Variants in TPD52L2 observed in about 807,000 individuals in gnomAD.
TPD52L2 encodes TPD52 like 2.
Under a neutral mutation model 24.7 loss-of-function variants are expected in TPD52L2, and 19 were observed. The ratio of observed to expected loss-of-function variants is 0.77; its 90% confidence interval spans 0.54 to 1.13. The LOEUF is 1.13. TPD52L2 is among the 50% of genes most tolerant of loss of function. The probability of loss-of-function intolerance (pLI) is 0.00; values close to 1 mark genes in which losing one functional copy is unlikely to be tolerated. For synonymous variants in TPD52L2, 104 were observed against 100.2 expected, an observed-to-expected ratio of 1.04 and a Z score of -0.23; for missense variants, 236 against 250.4, an observed-to-expected ratio of 0.94 and a Z score of 0.39.
chr20:63,875,745 T>A, intron 3 of TPD52L2, 71 bp from the exon 4 acceptor site: 1 of 1,514,782 alleles, frequency 6.6e-7, no homozygotes, highest in Admixed American at 1.7e-5. Flanking sequence ...TCCCTGGAAC[T>A]TCACCTGCAG....
chr20:63,875,361 A>G (rs1398197710), intron 3 of TPD52L2, among the ~76,000 whole-genome samples: 1 of 151,938 alleles, frequency 6.6e-6, no homozygotes, highest in Non-Finnish European at 1.5e-5. Flanking sequence ...CATACCCTTC[A>G]AGGTTGGGGT....
intron 4 of TPD52L2, chr20:63,876,766 G>C: frequency 2.2e-6 from 1 of 456,010 alleles, no homozygotes; most frequent in South Asian, 1.5e-5. Flanking sequence ...GTGTCACGGT[G>C]GGAGGCTGGT....
chr20:63,874,234 G>T (rs1350843131), intron 3 of TPD52L2, among the ~76,000 whole-genome samples: 14 of 135,988 alleles, frequency 1.0e-4, no homozygotes, highest in African/African-American at 3.6e-4. Context: ...TTTTTTGTGT[G>T]TGTGTGTGTG....
chr20:63,872,071 T>C (rs1397254899), intron 2 of TPD52L2, among the ~76,000 whole-genome samples: 1 of 149,840 alleles, frequency 6.7e-6, no homozygotes, highest in African/African-American at 2.5e-5. Context: ...TTTAAAGACC[T>C]GAGAAAGTTC....
At chr20:63,869,236 A>G in intron 1 of TPD52L2, 60 bp from the exon 2 acceptor site, 3 of 1,601,820 alleles carry the variant, frequency 1.9e-6, no homozygotes, top group Admixed American at 1.7e-5. Flanking sequence ...AGAGACCTCT[A>G]CCGTATTTAC....
At chr20:63,876,384 CTGGGAGGCACTGCAT>C (rs1344098680) in intron 4 of TPD52L2, among the ~76,000 whole-genome samples, 1 of 152,166 alleles carries the variant, frequency 6.6e-6, no homozygotes, top group Non-Finnish European at 1.5e-5. Flanking sequence ...TCCTCACGAT[CTGGGAGGCACTGCAT>C]TGTCAGAGCA....
intron 4 of TPD52L2, among the ~76,000 whole-genome samples, chr20:63,881,082 C>T (rs976482797): frequency 6.6e-6 from 1 of 152,102 alleles, no homozygotes; most frequent in African/African-American, 2.4e-5. Context: ...TCCGAGCGGG[C>T]TGGGCGCAGT....
At chr20:63,884,221 A>G (rs953349704) in intron 5 of TPD52L2, among the ~76,000 whole-genome samples, 4 of 152,012 alleles carry the variant, frequency 2.6e-5, no homozygotes, top group Non-Finnish European at 5.9e-5. Context: ...GGGGCACCCT[A>G]CAAATGCAGG....
chr20:63,877,181 A>G lies in TPD52L2; in HGVS notation c.374+1306A>G, dbSNP rs1291605618. 1 of 345,046 alleles carries G rather than the reference A, an allele frequency of 2.9e-6. No individual in the cohort carries two copies. The highest frequency in any genetic ancestry group is 5.7e-6 in the Non-Finnish European group (1 of 176,074). The allele number at this position is 345,046 out of a possible 1,614,324, so 21.4% of individuals were successfully genotyped here. ...GCTGGGACTACAGGCGCCCGCCACC[A>G]CGCCCGGCTAATTTTTTCTATTTTT... On this transcript the variant is annotated intron_variant, in intron 4 of 6. Coordinates refer to ENST00000346249, the MANE Select transcript of TPD52L2 (RefSeq NM_003288.4). This position sits in a 1 kb window ranked among gnomAD's most constrained non-coding sequence, Gnocchi z 4.1.
At position 63,877,797 on chromosome 20, in the gene TPD52L2, C is replaced by G. The variant is rs1260372792; in HGVS notation, c.374+1922C>G. On this transcript the variant is annotated intron_variant, in intron 4 of 6. Coordinates refer to ENST00000346249, the MANE Select transcript of TPD52L2 (RefSeq NM_003288.4). The surrounding 1 kb of genome is among the most constrained non-coding windows in gnomAD (Gnocchi z 4.1). ...TGCATCACCTGGCCGAGGCCATTCC[C>G]CTGAGTTCTGTGGCGAGAGCTGTCA... is the stretch of plus-strand genomic sequence containing the variant. Among the ~76,000 whole-genome samples, 1 of 152,278 alleles carries G rather than the reference C, an allele frequency of 6.6e-6. No individual in the cohort carries two copies. Among genetic ancestry groups the G allele is most frequent in the Admixed American group, 6.5e-5 (1 of 15,288 alleles).
intron 5 of TPD52L2, chr20:63,885,955 T>G: frequency 1.9e-6 from 3 of 1,585,734 alleles, no homozygotes; most frequent in Non-Finnish European, 2.6e-6. Context: ...GGGCTGTGAG[T>G]GGGTGCTGGC....
intron 5 of TPD52L2, among the ~76,000 whole-genome samples, chr20:63,886,519 G>A (rs977855326): frequency 1.8e-4 from 28 of 151,988 alleles, no homozygotes; most frequent in East Asian, 5.8e-4. Flanking sequence ...CCGCCGCCAC[G>A]CCCGGCTAAT....
chr20:63,875,917 C>T lies in TPD52L2; in HGVS notation c.374+42C>T, dbSNP rs370167352. The T allele has an allele frequency of 1.9e-4, 297 of 1,594,724 alleles. No individual in the cohort carries two copies. In the African/African-American group the frequency reaches 2.5e-3, roughly 13 times the overall value. ...TCAGCACCTCCTCCTTCCTCCTCTC[C>T]GCCTCCTGACACTCAGTCGGGGAAG... On this transcript the variant is annotated intron_variant, in intron 4 of 6. Transcript: ENST00000346249.
chr20:63,881,220 G>A (rs2146222475), intron 4 of TPD52L2, among the ~76,000 whole-genome samples: 1 of 152,276 alleles, frequency 6.6e-6, no homozygotes, highest in East Asian at 1.9e-4. Flanking sequence ...ATTTAGCAGG[G>A]CGTGGTGGTG....
At chr20:63,870,804 G>A (rs1393932906) in intron 2 of TPD52L2, among the ~76,000 whole-genome samples, 3 of 148,218 alleles carry the variant, frequency 2.0e-5, no homozygotes, top group African/African-American at 5.0e-5. Flanking sequence ...TGCAATCTCC[G>A]CCTCCCAGGT....
Position 63,890,258 on chromosome 20 carries a change from A to G in TPD52L2, c.*313A>G, listed in dbSNP as rs1044068027. The G allele has an allele frequency of 9.6e-5, 50 of 523,380 alleles. No individual in the cohort carries two copies. Among genetic ancestry groups the G allele is most frequent in the African/African-American group, 9.5e-4 (49 of 51,846 alleles). 32.4% of individuals were successfully genotyped at this position (523,380 alleles called of 1,614,324 possible). A position where few individuals can be genotyped will look rare whatever the true frequency, so the allele number is the denominator to read the frequency against. On this transcript the variant is annotated 3_prime_UTR_variant, in exon 7 of 7. Coordinates refer to ENST00000346249, the MANE Select transcript of TPD52L2 (RefSeq NM_003288.4). ...GCCAAAGCCCAGGCTCCCTTTGGGA[A>G]TCATGTTAGCCCATCAGAATGTTGA...
chr20:63,869,245 A>G (rs755850022), intron 1 of TPD52L2, 51 bp from the exon 2 acceptor site: 1 of 1,608,438 alleles, frequency 6.2e-7, no homozygotes, highest in Admixed American at 1.7e-5. Context: ...TACCGTATTT[A>G]CTTGGAACTA....
chr20:63,879,062 G>A (rs767864744), intron 4 of TPD52L2, among the ~76,000 whole-genome samples: 13 of 152,238 alleles, frequency 8.5e-5, no homozygotes, highest in Non-Finnish European at 1.6e-4. Flanking sequence ...CCACCTTGGA[G>A]GCCCAGGATG....
Position 63,874,232 on chromosome 20 carries a change from G to T in TPD52L2, c.314+416G>T, listed in dbSNP as rs866882674. Among the ~76,000 whole-genome samples, 335 of 129,836 alleles carry T rather than the reference G, an allele frequency of 2.6e-3. 3 individuals are homozygous for T. Among genetic ancestry groups the T allele is most frequent in the South Asian group, 0.013 (44 of 3,378 alleles). 85.2% of individuals were successfully genotyped at this position (129,836 alleles called of 152,430 possible). On this transcript the variant is annotated intron_variant, in intron 3 of 6. Transcript: ENST00000346249. ...GCGCCCGGCTGATTTTTTTTTTTGTGTGTGTGTGTGTGTGTGTGTGTGTGT... is the reference window on the plus strand; with the variant it reads ...GCGCCCGGCTGATTTTTTTTTTTGTTTGTGTGTGTGTGTGTGTGTGTGTGT...
Sources: allele counts gnomAD v4.1 joint callset (sites outside exome capture counted in the v4.1 genomes callset), GRCh38; gene constraint gnomAD v4.1.1; non-coding constraint Gnocchi (gnomAD v3.1); transcripts MANE v1.5; gene names NCBI Gene and HGNC (gene_info 2026-07-23, HGNC 2026-07-21).